Variants in EYS observed in about 807,000 individuals in gnomAD.
EYS encodes the protein protein eyes shut homolog.
Under a neutral mutation model 282.1 loss-of-function variants are expected in EYS, and 250 were observed. The ratio of observed to expected loss-of-function variants is 0.89; its 90% CI spans 0.80 to 0.98. The LOEUF is 0.98. EYS is among the 50% of genes least tolerant of loss of function. The pLI is 0.00. For missense variants in EYS, 4,016 were observed against 3,709.0 expected (o/e 1.08, Z -2.15); for synonymous variants, 1,355 against 1,282.9 (o/e 1.06, Z -1.20).
At chr6:65,221,440 A>G (rs994077008) in intron 12 of EYS, among the ~76,000 whole-genome samples, 5 of 152,200 alleles carry the variant, frequency 3.3e-5, no homozygotes, top group African/African-American at 1.2e-4. Flanking sequence ...AGCTCAGGCC[A>G]TTGCTTCAGA....
At chr6:63,931,675 A>C (rs1764899096) in intron 35 of EYS, among the ~76,000 whole-genome samples, 1 of 152,162 alleles carries the variant, frequency 6.6e-6, no homozygotes, top group African/African-American at 2.4e-5. Flanking sequence ...TATTTATGGG[A>C]TACAGAGTGA....
intron 2 of EYS, among the ~76,000 whole-genome samples, chr6:65,500,399 T>C (rs1309615751): frequency 1.3e-5 from 2 of 152,054 alleles, no homozygotes; most frequent in East Asian, 3.9e-4. Context: ...GAGTTGGCAC[T>C]TTTATAAATT....
intron 31 of EYS, among the ~76,000 whole-genome samples, chr6:64,159,403 A>G (rs892016669): frequency 4.0e-5 from 6 of 151,674 alleles, no homozygotes; most frequent in African/African-American, 1.5e-4. Flanking sequence ...TACTAAAAAT[A>G]TAAAAAATTA....
intron 12 of EYS, among the ~76,000 whole-genome samples, chr6:65,211,363 CA>C (rs367908200): frequency 5.9e-4 from 89 of 152,120 alleles, no homozygotes; most frequent in African/African-American, 1.8e-3. Context: ...ACTGCTATCA[CA>C]GAGAAAAATA....
At chr6:63,791,594 A>G (rs971402882) in intron 37 of EYS, among the ~76,000 whole-genome samples, 39 of 151,660 alleles carry the variant, frequency 2.6e-4, no homozygotes, top group African/African-American at 5.1e-4. Flanking sequence ...AAAAAAAAAA[A>G]AAGAAGAAGA....
intron 22 of EYS, among the ~76,000 whole-genome samples, chr6:64,761,338 CT>C (rs1175508297): frequency 1.3e-5 from 2 of 152,166 alleles, no homozygotes; most frequent in African/African-American, 4.8e-5. Flanking sequence ...GTCAGTTTCT[CT>C]GCATTTGATT....
intron 22 of EYS, among the ~76,000 whole-genome samples, chr6:64,736,381 A>G (rs1772182736): frequency 6.6e-6 from 1 of 152,196 alleles, no homozygotes; most frequent in African/African-American, 2.4e-5. Flanking sequence ...TATTTTAGAT[A>G]TATTCAAAAT....
intron 35 of EYS, among the ~76,000 whole-genome samples, chr6:63,972,691 G>T (rs1185548732): frequency 6.6e-6 from 1 of 151,650 alleles, no homozygotes; most frequent in African/African-American, 2.4e-5. Context: ...CCCTCCCTTA[G>T]CCCCCAACCC....
intron 35 of EYS, among the ~76,000 whole-genome samples, chr6:63,884,610 G>A (rs906319419): frequency 7.2e-5 from 11 of 152,032 alleles, no homozygotes; most frequent in African/African-American, 2.4e-4. Context: ...GCAAAAATAC[G>A]CACCAATTTT....
rs147956199 is a variant in EYS, at chr6:64,533,520, G to C, written c.5644+56703C>G. ...ATGACAATTGACTTAAGAAACACTG[G>C]GGCTAGGAGACACTGGAACGAAATC... On this transcript the variant is annotated intron_variant, in intron 26 of 42. Transcript: ENST00000503581. Among the ~76,000 whole-genome samples the C allele has an allele frequency of 6.0e-4, 91 of 152,038 alleles. 1 individual carries two copies. In the Middle Eastern group the frequency reaches 0.017, roughly 28 times the overall value.
chr6:64,876,104 T>C (rs1305168228), intron 19 of EYS, among the ~76,000 whole-genome samples: 2 of 152,026 alleles, frequency 1.3e-5, no homozygotes, highest in South Asian at 4.1e-4. Context: ...ACCTCTAGAT[T>C]TACTATAAAG....
chr6:63,853,202 T>A (rs1772304469), intron 36 of EYS, among the ~76,000 whole-genome samples: 1 of 152,210 alleles, frequency 6.6e-6, no homozygotes, highest in Admixed American at 6.5e-5. Flanking sequence ...TGTCTCTGTT[T>A]GCAGATGACA....
intron 22 of EYS, among the ~76,000 whole-genome samples, chr6:64,752,412 C>T (rs1459462595): frequency 6.6e-6 from 1 of 151,896 alleles, no homozygotes; most frequent in Non-Finnish European, 1.5e-5. Context: ...GAAAGAATTT[C>T]AGAGCTTGAA....
intron 5 of EYS, among the ~76,000 whole-genome samples, chr6:65,449,758 C>CT (rs1436119815): frequency 6.6e-6 from 1 of 151,918 alleles, no homozygotes; most frequent in South Asian, 2.1e-4. Context: ...ATTTTGTTTC[C>CT]TTTTTTTCCT....
intron 22 of EYS, among the ~76,000 whole-genome samples, chr6:64,703,410 C>CACACACACACATATAT (rs1447947508): frequency 7.8e-5 from 4 of 51,542 alleles, no homozygotes; most frequent in Non-Finnish European, 1.5e-4. Context: ...CACACACACA[C>CACACACACACATATAT]ATATATATAT....
intron 30 of EYS, among the ~76,000 whole-genome samples, chr6:64,269,401 T>C (rs551223394): frequency 6.6e-6 from 1 of 152,256 alleles, no homozygotes; most frequent in Admixed American, 6.5e-5. Context: ...TGATTAATGC[T>C]ACATCACTTC....
At chr6:65,037,957 G>A (rs182555971) in intron 13 of EYS, among the ~76,000 whole-genome samples, 12 of 151,462 alleles carry the variant, frequency 7.9e-5, no homozygotes, top group Admixed American at 5.3e-4. Context: ...TCTCCTTTCC[G>A]TATTAGCAGT....
In EYS at chr6:65,588,036, T is replaced by C. The variant is rs954909893; in HGVS notation, c.-333+51742A>G. The stretch of plus-strand genomic sequence containing the variant: ...TTCCCCTTAGAGAAGATTGAGGAAA[T>C]AGTATTAAGATTTACTATTAGAAAG... On this transcript the variant is annotated intron_variant, in intron 2 of 42. Coordinates refer to ENST00000503581, the MANE Select transcript of EYS (RefSeq NM_001142800.2). Among the ~76,000 whole-genome samples the C allele has an allele frequency of 2.2e-4, 34 of 152,062 alleles. 1 individual carries two copies. The highest frequency in any genetic ancestry group is 2.9e-5 in the Non-Finnish European group (2 of 68,002).
intron 35 of EYS, among the ~76,000 whole-genome samples, chr6:63,896,731 C>T (rs1025018470): frequency 6.6e-6 from 1 of 152,202 alleles, no homozygotes; most frequent in East Asian, 1.9e-4. Context: ...CCCTGCTCTC[C>T]TCTGGCAATC....
Sources: gnomAD v4.1 joint callset for allele counts (sites outside exome capture counted in the v4.1 genomes callset) on GRCh38, gnomAD v4.1.1 for gene constraint, MANE v1.5 for transcripts, NCBI Gene and HGNC (gene_info 2026-07-23, HGNC 2026-07-21) for gene names.